LINGO2: variants seen among roughly 807,000 people sequenced by gnomAD.
The protein encoded by LINGO2 is leucine rich repeat and Ig domain containing 2.
LINGO2 carries 14 observed loss-of-function variants against 30.6 expected under a neutral mutation model. The ratio of observed to expected loss-of-function variants is 0.46; its 90% CI spans 0.30 to 0.72. LINGO2 has a LOEUF of 0.72. Among genes scored for constraint, LINGO2 ranks in the 30% least tolerant of loss-of-function variants. The pLI, the probability that LINGO2 is intolerant of heterozygous loss-of-function variation, is 0.07. For synonymous variants in LINGO2, 317 were observed against 288.5 expected, an observed-to-expected ratio of 1.10 and a Z score of -1.00; for missense variants, 729 against 751.7, an observed-to-expected ratio of 0.97 and a Z score of 0.35.
chr9:28,244,999 C>T (rs1390346543), intron 4 of LINGO2, among the ~76,000 whole-genome samples: 3 of 151,978 alleles, frequency 2.0e-5, no homozygotes, highest in Non-Finnish European at 4.4e-5. Context: ...AGAGACACAA[C>T]AAAAAAAGAA....
chr9:28,490,877 A>G (rs1049810439), intron 1 of LINGO2, among the ~76,000 whole-genome samples: 6 of 152,332 alleles, frequency 3.9e-5, no homozygotes, highest in African/African-American at 1.2e-4. Flanking sequence ...ACAGCTATGC[A>G]TCTCACATAT....
chr9:28,857,356 A>C, the LINGO2 span, among the ~76,000 whole-genome samples: 3 of 152,074 alleles, frequency 2.0e-5, no homozygotes, highest in African/African-American at 7.2e-5. Context: ...GTTACTTATA[A>C]TTTAGCCCTT....
chr9:28,651,182 CAAA>C (rs5897316), intron 1 of LINGO2, among the ~76,000 whole-genome samples: 1 of 130,272 alleles, frequency 7.7e-6, no homozygotes, highest in African/African-American at 2.7e-5. Context: ...GACTCAGTCT[CAAA>C]AAAAAAAAAA....
At chr9:28,775,689 A>G in the LINGO2 span, among the ~76,000 whole-genome samples, 1 of 152,324 alleles carries the variant, frequency 6.6e-6, no homozygotes, top group African/African-American at 2.4e-5. Context: ...TCTGCTAAGA[A>G]CTATTAAAGA....
chr9:28,527,804 G>C (rs753291311), intron 1 of LINGO2, among the ~76,000 whole-genome samples: 1 of 152,046 alleles, frequency 6.6e-6, no homozygotes. Context: ...TGTTTTTTCC[G>C]ATATCTCTAG....
chr9:28,391,414 C>T (rs748351864), intron 2 of LINGO2, among the ~76,000 whole-genome samples: 4 of 152,128 alleles, frequency 2.6e-5, no homozygotes, highest in Non-Finnish European at 5.9e-5. Context: ...TGTGCTCTTA[C>T]GGGTTCATCA....
the LINGO2 span, among the ~76,000 whole-genome samples, chr9:29,080,402 T>G: frequency 6.6e-6 from 1 of 151,672 alleles, no homozygotes; most frequent in Middle Eastern, 3.2e-3. Context: ...AGCTCCTGGA[T>G]TCATTGATTT....
At chr9:29,110,345 T>C in the LINGO2 span, among the ~76,000 whole-genome samples, 3 of 152,168 alleles carry the variant, frequency 2.0e-5, no homozygotes, top group Non-Finnish European at 4.4e-5. Flanking sequence ...TGTTTGTTTG[T>C]TTTTTGAGAC....
intron 1 of LINGO2, among the ~76,000 whole-genome samples, chr9:28,589,835 C>T (rs1369350573): frequency 2.6e-5 from 4 of 152,026 alleles, no homozygotes; most frequent in Non-Finnish European, 4.4e-5. Flanking sequence ...AAAGAGCCCG[C>T]ATTGCCAAGA....
chr9:28,251,262 C>A (rs1822189090), intron 4 of LINGO2, among the ~76,000 whole-genome samples: 1 of 152,090 alleles, frequency 6.6e-6, no homozygotes, highest in Non-Finnish European at 1.5e-5. Flanking sequence ...CAGAAGCTAT[C>A]TTTGAAATGT....
chr9:28,003,970 A>T (rs994842618), intron 5 of LINGO2, among the ~76,000 whole-genome samples: 3 of 152,200 alleles, frequency 2.0e-5, no homozygotes, highest in Non-Finnish European at 2.9e-5. Context: ...ATATTTTTTT[A>T]ACTAGCCATT....
intron 4 of LINGO2, among the ~76,000 whole-genome samples, chr9:28,183,194 TA>T (rs1819420183): frequency 6.6e-6 from 1 of 151,630 alleles, no homozygotes; most frequent in Admixed American, 6.6e-5. Context: ...CTCATCAAAC[TA>T]ACACAGGAAC....
the LINGO2 span, among the ~76,000 whole-genome samples, chr9:29,071,500 T>TAC: frequency 5.1e-5 from 6 of 117,272 alleles, no homozygotes; most frequent in African/African-American, 2.0e-4. Context: ...TATATATATA[T>TAC]ATATATATAT....
chr9:28,451,394 A>T (rs1824641225), intron 2 of LINGO2, among the ~76,000 whole-genome samples: 1 of 151,876 alleles, frequency 6.6e-6, no homozygotes, highest in Non-Finnish European at 1.5e-5. Context: ...AAACAATGGC[A>T]TTGAATGTGT....
chr9:28,596,357 T>G (rs1321967922), intron 1 of LINGO2, among the ~76,000 whole-genome samples: 5 of 152,160 alleles, frequency 3.3e-5, no homozygotes, highest in Non-Finnish European at 5.9e-5. Flanking sequence ...ATTTTGAAAG[T>G]TGTTTCTTTT....
chr9:28,482,184 C>T (rs1321867292), intron 1 of LINGO2, among the ~76,000 whole-genome samples: 22 of 151,804 alleles, frequency 1.4e-4, no homozygotes, highest in Non-Finnish European at 3.2e-4. Context: ...TTCTAGATCC[C>T]TGAGGAATCG....
At chr9:29,159,832 C>CAAA in the LINGO2 span, among the ~76,000 whole-genome samples, 5 of 134,930 alleles carry the variant, frequency 3.7e-5, no homozygotes, top group Non-Finnish European at 3.2e-5. Flanking sequence ...CAGCCTGGGC[C>CAAA]AAAAAAAAAA....
intron 2 of LINGO2, among the ~76,000 whole-genome samples, chr9:28,378,768 T>C (rs1821227637): frequency 6.6e-6 from 1 of 152,160 alleles, no homozygotes; most frequent in African/African-American, 2.4e-5. Context: ...GATACAATGA[T>C]GTATATGACC....
chr9:28,822,531 C>T, the LINGO2 span, among the ~76,000 whole-genome samples: 1 of 151,998 alleles, frequency 6.6e-6, no homozygotes. Context: ...AAAGGCAGAT[C>T]TGCCTTTAAT....
Sources: gnomAD v4.1 joint callset for allele counts (sites outside exome capture counted in the v4.1 genomes callset) on GRCh38, gnomAD v4.1.1 for gene constraint, MANE v1.5 for transcripts, NCBI Gene and HGNC (gene_info 2026-07-23, HGNC 2026-07-21) for gene names.